Variants in CACNB2 observed in about 807,000 individuals in gnomAD.
The protein encoded by CACNB2 is calcium voltage-gated channel auxiliary subunit beta 2.
CACNB2 carries 42 observed loss-of-function variants against 73.3 expected under a neutral mutation model. The observed-to-expected ratio is 0.57, with a 90% confidence interval of 0.45 to 0.74. CACNB2 has a LOEUF of 0.74. Ranked by LOEUF, CACNB2 falls within the 30% of genes least tolerant of loss-of-function variation. The pLI is 0.00. For missense variants in CACNB2, 940 were observed against 853.0 expected, an observed-to-expected ratio of 1.10 and a Z score of -1.27; for synonymous variants, 348 against 310.3, an observed-to-expected ratio of 1.12 and a Z score of -1.28.
At chr10:18,259,809 G>A (rs1360160097) in intron 2 of CACNB2, among the ~76,000 whole-genome samples, 4 of 151,962 alleles carry the variant, frequency 2.6e-5, no homozygotes, top group Non-Finnish European at 5.9e-5. Flanking sequence ...AGTCGGAGGT[G>A]GGAGGACTGC....
intron 2 of CACNB2, among the ~76,000 whole-genome samples, chr10:18,313,476 G>T (rs2040038675): frequency 6.6e-6 from 1 of 151,538 alleles, no homozygotes; most frequent in Non-Finnish European, 1.5e-5. Context: ...TTATAACCAT[G>T]CCAATTGCTG....
At chr10:18,501,301 G>T (rs1425042006) in intron 5 of CACNB2, among the ~76,000 whole-genome samples, 1 of 152,238 alleles carries the variant, frequency 6.6e-6, no homozygotes, top group East Asian at 1.9e-4. Flanking sequence ...GTCTGTAGCT[G>T]CCTGGTATGG....
At position 18,284,164 on chromosome 10, in the gene CACNB2, G is replaced by A. The variant is rs1023005039; in HGVS notation, c.214-117760G>A. Among the ~76,000 whole-genome samples the A allele has an allele frequency of 3.3e-5, 5 of 152,178 alleles. No homozygotes were observed. In the East Asian group the frequency reaches 9.6e-4, roughly 29 times the overall value. On this transcript the variant is annotated intron_variant, in intron 2 of 13. Transcript: ENST00000324631. ...GGGAGGCCTCACAATCATGGCAGAA[G>A]GCAAAGAAGAGCAAAGTCACGTCTT...
intron 4 of CACNB2, among the ~76,000 whole-genome samples, chr10:18,499,311 A>C (rs2050030217): frequency 6.6e-6 from 1 of 152,202 alleles, no homozygotes; most frequent in Non-Finnish European, 1.5e-5. Flanking sequence ...AAAGGAGTTG[A>C]TAACTGCCGA....
chr10:18,463,396 C>T (rs2047687445), intron 3 of CACNB2, among the ~76,000 whole-genome samples: 1 of 151,908 alleles, frequency 6.6e-6, no homozygotes, highest in South Asian at 2.1e-4. Context: ...TTGTTTCTCA[C>T]CTTCCAAGAC....
intron 2 of CACNB2, among the ~76,000 whole-genome samples, chr10:18,211,217 G>T (rs563696232): frequency 1.1e-4 from 17 of 152,190 alleles, no homozygotes; most frequent in Admixed American, 9.8e-4. Context: ...AGATGGAAAA[G>T]AGAAAGCCGG....
Position 18,498,340 on chromosome 10 carries a change from C to G in CACNB2, c.334-15C>G, listed in dbSNP as rs555514946. On this transcript the variant is annotated splice_polypyrimidine_tract_variant and intron_variant, in intron 3 of 13. Transcript: ENST00000324631. Reference sequence around the variant, plus strand: ...TTTGCTCTTATTTTTTTCCCTCTTCCTTTTCCCACTTTAGACAAAGCCCGT... The same window carrying G: ...TTTGCTCTTATTTTTTTCCCTCTTCGTTTTCCCACTTTAGACAAAGCCCGT... The G allele has an allele frequency of 3.1e-6, 5 of 1,613,880 alleles. No homozygotes were observed. The highest frequency in any genetic ancestry group is 4.2e-6 in the Non-Finnish European group (5 of 1,179,934).
intron 2 of CACNB2, among the ~76,000 whole-genome samples, chr10:18,276,634 A>T (rs990413317): frequency 5.9e-5 from 9 of 152,082 alleles, no homozygotes; most frequent in African/African-American, 2.2e-4. Context: ...GCTGAAGTGA[A>T]GTGGTGTGAT....
intron 2 of CACNB2, among the ~76,000 whole-genome samples, chr10:18,394,178 C>T (rs987964749): frequency 6.7e-6 from 1 of 149,620 alleles, no homozygotes; most frequent in Non-Finnish European, 1.5e-5. Context: ...AGGCTGGTCT[C>T]GAATTCCTGA....
intron 2 of CACNB2, among the ~76,000 whole-genome samples, chr10:18,178,945 T>C (rs34074414): frequency 0.072 from 10,992 of 152,218 alleles, 465 homozygotes; most frequent in South Asian, 0.12. Context: ...AGCTGAAACA[T>C]AGAGCAGAAG....
intron 2 of CACNB2, among the ~76,000 whole-genome samples, chr10:18,373,363 A>G (rs2042666409): frequency 6.6e-6 from 1 of 152,222 alleles, no homozygotes; most frequent in Non-Finnish European, 1.5e-5. Context: ...CAAACAAGGT[A>G]GGACAGCTTT....
chr10:18,515,959 T>TCCCA (rs1387058032), intron 7 of CACNB2, among the ~76,000 whole-genome samples: 2 of 152,184 alleles, frequency 1.3e-5, no homozygotes, highest in Non-Finnish European at 2.9e-5. Flanking sequence ...ACACCTGTAA[T>TCCCA]CCCAGCCCTT....
intron 7 of CACNB2, among the ~76,000 whole-genome samples, chr10:18,517,381 G>C (rs2051385865): frequency 6.6e-6 from 1 of 152,082 alleles, no homozygotes; most frequent in Non-Finnish European, 1.5e-5. Flanking sequence ...CTAATTTTTG[G>C]AAAGATGTTA....
intron 3 of CACNB2, 136 bp from the exon 4 acceptor site, chr10:18,498,219 G>T: frequency 9.8e-7 from 1 of 1,020,858 alleles, no homozygotes; most frequent in East Asian, 2.6e-5. Context: ...AAGCTGTTTT[G>T]TGATAAAGAA....
intron 2 of CACNB2, among the ~76,000 whole-genome samples, chr10:18,360,966 G>C (rs561284727): frequency 6.6e-6 from 1 of 152,240 alleles, no homozygotes; most frequent in African/African-American, 2.4e-5. Context: ...AATTCCTGCT[G>C]ACCTTTCTTT....
intron 9 of CACNB2, among the ~76,000 whole-genome samples, chr10:18,521,358 T>C (rs1169130013): frequency 6.6e-6 from 1 of 152,202 alleles, no homozygotes; most frequent in Non-Finnish European, 1.5e-5. Context: ...GCAGATGGTA[T>C]ATAGTGTGTG....
intron 2 of CACNB2, among the ~76,000 whole-genome samples, chr10:18,156,057 A>G (rs2032025506): frequency 6.6e-6 from 1 of 152,138 alleles, no homozygotes; most frequent in African/African-American, 2.4e-5. Flanking sequence ...AATTATAAAT[A>G]TTAGAATATG....
At chr10:18,447,585 A>C (rs990587760) in intron 3 of CACNB2, among the ~76,000 whole-genome samples, 2 of 152,208 alleles carry the variant, frequency 1.3e-5, no homozygotes, top group African/African-American at 4.8e-5. Flanking sequence ...AGCAACGTCA[A>C]ATGCTGCAGA....
chr10:18,356,377 A>T (rs2041908930), intron 2 of CACNB2, among the ~76,000 whole-genome samples: 1 of 152,130 alleles, frequency 6.6e-6, no homozygotes, highest in Admixed American at 6.5e-5. Flanking sequence ...TTTCTCCAGC[A>T]AGCCAACTTC....
Sources: allele counts gnomAD v4.1 joint callset (sites outside exome capture counted in the v4.1 genomes callset), GRCh38; gene constraint gnomAD v4.1.1; transcripts MANE v1.5; gene names NCBI Gene and HGNC (gene_info 2026-07-23, HGNC 2026-07-21).